The following CHSY3 variants were observed in gnomAD, a reference collection of about 807,000 sequenced individuals.
CHSY3 encodes the protein N-acetylgalactosaminyl-proteoglycan 3-beta-glucuronosyltransferase 3.
In CHSY3, 35 loss-of-function variants were observed where a neutral mutation model predicts 67.2. The observed-to-expected ratio is 0.52, with a 90% CI of 0.40 to 0.69. The LOEUF is 0.69. CHSY3 is among the 30% of genes least tolerant of loss of function. The pLI is 0.00. For missense variants in CHSY3, 1,069 were observed against 1,138.5 expected (o/e 0.94, Z 0.88); for synonymous variants, 474 against 434.7 (o/e 1.09, Z -1.12).
At chr5:130,012,880 T>A (rs1764108703) in intron 2 of CHSY3, among the ~76,000 whole-genome samples, 1 of 152,248 alleles carries the variant, frequency 6.6e-6, no homozygotes, top group Admixed American at 6.5e-5. Context: ...TAACTCATTC[T>A]AGCATTAACT....
At chr5:129,990,780 G>A (rs1485422002) in intron 2 of CHSY3, among the ~76,000 whole-genome samples, 3 of 152,014 alleles carry the variant, frequency 2.0e-5, no homozygotes, top group Non-Finnish European at 2.9e-5. Flanking sequence ...ATCTGAGAGT[G>A]ACAATATGAA....
At chr5:129,966,982 C>T (rs1051246082) in intron 2 of CHSY3, among the ~76,000 whole-genome samples, 2 of 151,736 alleles carry the variant, frequency 1.3e-5, no homozygotes, top group Non-Finnish European at 2.9e-5. Context: ...GTGTCTAAAG[C>T]AATTTAAGAA....
chr5:130,185,911 C>T lies in CHSY3; in HGVS notation c.*120C>T, dbSNP rs192672097. 1.3e-4 allele frequency: 74 copies of T among 569,666 alleles called. No individual in the cohort carries two copies. In the East Asian group the frequency reaches 2.2e-3, roughly 17 times the overall value. The allele number at this position is 569,666 out of a possible 1,614,324, so 35.3% of individuals were successfully genotyped here. A position where few individuals can be genotyped will look rare whatever the true frequency, so the allele number is the denominator to read the frequency against. ...TATTGTTATAATTTTATTTTGTTGT[C>T]CTGGTCTTAAACTACTCTTGGTTGT... On this transcript the variant is annotated 3_prime_UTR_variant, in exon 3 of 3. Coordinates refer to ENST00000305031, the MANE Select transcript of CHSY3 (RefSeq NM_175856.5).
In CHSY3 at chr5:129,919,866, G is replaced by A. The variant is rs1035553351; in HGVS notation, c.1086+11506G>A. Reference sequence around the variant, plus strand: ...ATATGTATGTATAAGGTAAAAAGTGGTATAATGATTTTTTATACAGTGTGG... The same window carrying A: ...ATATGTATGTATAAGGTAAAAAGTGATATAATGATTTTTTATACAGTGTGG... On this transcript the variant is annotated intron_variant, in intron 2 of 2. Coordinates refer to ENST00000305031, the MANE Select transcript of CHSY3 (RefSeq NM_175856.5). Among the ~76,000 whole-genome samples, 92 of 152,218 alleles carry A rather than the reference G, an allele frequency of 6.0e-4. 1 individual carries two copies. Among genetic ancestry groups the A allele is most frequent in the Non-Finnish European group, 6.3e-4 (43 of 68,016 alleles).
chr5:130,145,221 A>G (rs1420089556), intron 2 of CHSY3, among the ~76,000 whole-genome samples: 2 of 152,198 alleles, frequency 1.3e-5, no homozygotes, highest in East Asian at 1.9e-4. Context: ...ATTCACATCA[A>G]AACAACTGGT....
intron 2 of CHSY3, among the ~76,000 whole-genome samples, chr5:130,135,460 A>C (rs1419257263): frequency 6.6e-6 from 1 of 152,164 alleles, no homozygotes; most frequent in Non-Finnish European, 1.5e-5. Context: ...AGACTTGGGA[A>C]GCATTTTAAC....
chr5:130,028,557 C>G (rs1764618320), intron 2 of CHSY3, among the ~76,000 whole-genome samples: 1 of 152,060 alleles, frequency 6.6e-6, no homozygotes, highest in Admixed American at 6.6e-5. Context: ...GGCTAAGCAT[C>G]CAACATGTCA....
chr5:130,031,308 T>C (rs911931828), intron 2 of CHSY3, among the ~76,000 whole-genome samples: 38 of 152,078 alleles, frequency 2.5e-4, no homozygotes, highest in Non-Finnish European at 2.4e-4. Context: ...TCATCCAAGA[T>C]ATACTTATTT....
intron 2 of CHSY3, among the ~76,000 whole-genome samples, chr5:130,037,766 A>G (rs1371429754): frequency 6.6e-6 from 1 of 152,106 alleles, no homozygotes; most frequent in Admixed American, 6.6e-5. Flanking sequence ...TGCCTAGTAC[A>G]GGGCAGCAGC....
At chr5:129,999,157 A>G (rs540333329) in intron 2 of CHSY3, among the ~76,000 whole-genome samples, 66 of 134,830 alleles carry the variant, frequency 4.9e-4, no homozygotes, top group African/African-American at 1.8e-3. Context: ...GTGGCTAGCT[A>G]TTTGTCCCAA....
intron 2 of CHSY3, among the ~76,000 whole-genome samples, chr5:129,962,681 T>C (rs1416290696): frequency 5.2e-4 from 79 of 152,014 alleles, no homozygotes; most frequent in Non-Finnish European, 5.9e-5. Context: ...CACCACAGCC[T>C]TCTCTAGTCA....
chr5:130,113,648 T>G (rs1238380678), intron 2 of CHSY3, among the ~76,000 whole-genome samples: 1 of 152,134 alleles, frequency 6.6e-6, no homozygotes, highest in Non-Finnish European at 1.5e-5. Context: ...AGGCCCAGTC[T>G]CTCCATTTGC....
chr5:130,086,950 G>C (rs1179796319), intron 2 of CHSY3, among the ~76,000 whole-genome samples: 1 of 151,792 alleles, frequency 6.6e-6, no homozygotes, highest in Non-Finnish European at 1.5e-5. Flanking sequence ...TTGATGAACA[G>C]TGATGCAAAA....
At chr5:130,058,125 C>G (rs946033950) in intron 2 of CHSY3, among the ~76,000 whole-genome samples, 1 of 152,104 alleles carries the variant, frequency 6.6e-6, no homozygotes, top group African/African-American at 2.4e-5. Context: ...CTAGAGATAG[C>G]CTTCAGTGTC....
At chr5:130,147,858 A>C (rs918999948) in intron 2 of CHSY3, among the ~76,000 whole-genome samples, 11 of 152,218 alleles carry the variant, frequency 7.2e-5, no homozygotes, top group African/African-American at 2.4e-4. Context: ...TTGAGAAGTA[A>C]TTTTTTAACC....
chr5:129,936,854 G>T (rs997645458), intron 2 of CHSY3, among the ~76,000 whole-genome samples: 7 of 152,004 alleles, frequency 4.6e-5, no homozygotes, highest in African/African-American at 1.7e-4. Flanking sequence ...TCATCCCTTT[G>T]GCATTCCTTA....
intron 2 of CHSY3, among the ~76,000 whole-genome samples, chr5:129,998,742 T>A (rs1763628479): frequency 6.6e-6 from 1 of 152,100 alleles, no homozygotes; most frequent in Non-Finnish European, 1.5e-5. Context: ...ATGTATTTTT[T>A]TTTGCCCAGT....
At chr5:130,128,548 C>T (rs1053446651) in intron 2 of CHSY3, among the ~76,000 whole-genome samples, 3 of 151,992 alleles carry the variant, frequency 2.0e-5, no homozygotes, top group African/African-American at 7.2e-5. Flanking sequence ...GGTCAAACAA[C>T]ATAAACTTTA....
At chr5:129,937,953 C>A (rs1043732821) in intron 2 of CHSY3, among the ~76,000 whole-genome samples, 12 of 152,128 alleles carry the variant, frequency 7.9e-5, no homozygotes, top group Admixed American at 7.2e-4. Context: ...CCTCACATTT[C>A]CCCTCTTCAC....
Sources: allele counts gnomAD v4.1 joint callset (sites outside exome capture counted in the v4.1 genomes callset), GRCh38; gene constraint gnomAD v4.1.1; transcripts MANE v1.5; gene names NCBI Gene and HGNC (gene_info 2026-07-23, HGNC 2026-07-21).